The following PARL variants were observed in gnomAD, a reference collection of about 807,000 sequenced individuals.
The protein encoded by PARL is presenilin-associated rhomboid-like protein, mitochondrial.
Under a neutral mutation model 51.6 loss-of-function variants are expected in PARL, and 44 were observed. The ratio of observed to expected loss-of-function variants is 0.85; its 90% CI spans 0.67 to 1.10. The LOEUF (loss-of-function observed/expected upper bound fraction) is 1.10, where lower values mean the gene tolerates loss of function less well. Among genes scored for constraint, PARL ranks in the 50% least tolerant of loss-of-function variants. The pLI, the probability that PARL is intolerant of heterozygous loss-of-function variation, is 0.00. For synonymous variants in PARL, 172 were observed against 164.0 expected (o/e 1.05, Z -0.37); for missense variants, 441 against 469.5 (o/e 0.94, Z 0.56).
At chr3:183,831,166 A>G (rs567019517) in intron 9 of PARL, among the ~76,000 whole-genome samples, 27 of 152,170 alleles carry the variant, frequency 1.8e-4, no homozygotes, top group Admixed American at 9.2e-4. Context: ...AGTAGAGACG[A>G]GGTTTCCCCA....
intron 4 of PARL, 95 bp from the exon 5 acceptor site, chr3:183,844,421 G>C: frequency 3.6e-6 from 3 of 823,194 alleles, no homozygotes; most frequent in Admixed American, 3.9e-5. Flanking sequence ...CCACAATTAT[G>C]TAAGAGTACT....
At chr3:183,829,886 T>C (rs1727721329) in intron 9 of PARL, among the ~76,000 whole-genome samples, 177 bp from the exon 10 acceptor site, 1 of 152,162 alleles carries the variant, frequency 6.6e-6, no homozygotes, top group Non-Finnish European at 1.5e-5. Context: ...ATGTAAAAGG[T>C]AGAAGTAGGA....
chr3:183,833,768 G>A lies in PARL; in HGVS notation c.886C>T (p.Leu296Phe), dbSNP rs1258496604. The A allele has an allele frequency of 6.2e-7, 1 of 1,613,454 alleles. No homozygotes were observed. Among genetic ancestry groups the A allele is most frequent in the African/African-American group, 1.3e-5 (1 of 75,052 alleles). ...AVCTKIPEGRLAIIFLPMFTF... is the reference protein window; with the variant it reads ...AVCTKIPEGRFAIIFLPMFTF... Reference sequence around the variant, plus strand: ...AACATCGGAAGGAAAATAATGGCAAGCCTCCCTTCTGGGATCTTAGTGCAG... The same window carrying A: ...AACATCGGAAGGAAAATAATGGCAAACCTCCCTTCTGGGATCTTAGTGCAG... Residue 296 changes from leucine (L) to phenylalanine (F), a missense_variant, in exon 8 of 10, where the codon CTT becomes TTT. Transcript: ENST00000317096.
At chr3:183,874,190 T>G (rs1019256395) in intron 1 of PARL, among the ~76,000 whole-genome samples, 1 of 152,186 alleles carries the variant, frequency 6.6e-6, no homozygotes, top group Non-Finnish European at 1.5e-5. Flanking sequence ...GAAATTGTTT[T>G]GGGTGCCATG....
intron 4 of PARL, among the ~76,000 whole-genome samples, chr3:183,854,492 A>G: frequency 6.6e-6 from 1 of 152,136 alleles, no homozygotes; most frequent in East Asian, 1.9e-4. Context: ...CCAAAACACC[A>G]AGTATTTTAT....
At chr3:183,854,748 T>TAA (rs34427562) in intron 4 of PARL, among the ~76,000 whole-genome samples, 213 of 132,474 alleles carry the variant, frequency 1.6e-3, no homozygotes, top group East Asian at 9.7e-3. Flanking sequence ...TTTTTACAAT[T>TAA]AAAAAAAAAA....
chr3:183,882,450 C>A, intron 1 of PARL, among the ~76,000 whole-genome samples: 1 of 150,218 alleles, frequency 6.7e-6, no homozygotes, highest in African/African-American at 2.5e-5. Flanking sequence ...GAGAGACTAT[C>A]ATCTCAATAT....
chr3:183,834,153 A>G (rs1370589558), intron 7 of PARL, among the ~76,000 whole-genome samples: 1 of 152,254 alleles, frequency 6.6e-6, no homozygotes, highest in Non-Finnish European at 1.5e-5. Context: ...CTTCTCTGAC[A>G]AAGCTCCAAC....
rs76404822 is a variant in PARL at position 183,831,919 on chromosome 3, A to C, written c.1028+1573T>G. Among the ~76,000 whole-genome samples, 101 of 152,300 alleles carry C rather than the reference A, an allele frequency of 6.6e-4. 1 individual carries two copies. In the East Asian group the frequency reaches 0.019, roughly 28 times the overall value. On this transcript the variant is annotated intron_variant, in intron 9 of 9. Transcript: ENST00000317096. The stretch of plus-strand genomic sequence containing the variant: ...CTGGACTTTAAAATGCATTTGATCC[A>C]ATTATTTTCAGAATGGAAAAAGGCC...
At chr3:183,867,682 A>G (rs982929490) in intron 2 of PARL, among the ~76,000 whole-genome samples, 183 bp downstream of exon 2, 1 of 151,146 alleles carries the variant, frequency 6.6e-6, no homozygotes, top group Admixed American at 6.6e-5. Flanking sequence ...CCTGGGCGAC[A>G]GAGTGAGACT....
rs565977004 is a variant in PARL at position 183,883,903 on chromosome 3, G to C, written c.125+819C>G. Reference sequence around the variant, plus strand: ...AATGGCTCCGCCACATTAGAGCCTCGATTATTTACCACTGACTATCCCACG... The same window carrying C: ...AATGGCTCCGCCACATTAGAGCCTCCATTATTTACCACTGACTATCCCACG... On this transcript the variant is annotated intron_variant, in intron 1 of 9. Transcript: ENST00000317096. 2.0e-4 allele frequency among the ~76,000 whole-genome samples: 30 copies of C among 152,286 alleles called. 3 individuals are homozygous for C. The Middle Eastern group carries it at 0.01, about 52-fold the overall frequency.
chr3:183,864,496 G>A (rs186590769), intron 3 of PARL, among the ~76,000 whole-genome samples: 10 of 152,186 alleles, frequency 6.6e-5, no homozygotes, highest in African/African-American at 1.9e-4. Flanking sequence ...TAAAATATTG[G>A]CTGGGCTCGG....
chr3:183,838,177 C>T (rs1193858102), intron 7 of PARL, among the ~76,000 whole-genome samples: 1 of 151,962 alleles, frequency 6.6e-6, no homozygotes, highest in Non-Finnish European at 1.5e-5. Context: ...AGGTGCATGC[C>T]ACCATGCCCG....
intron 1 of PARL, among the ~76,000 whole-genome samples, chr3:183,876,271 T>G (rs1733788976): frequency 6.6e-6 from 1 of 152,166 alleles, no homozygotes. Flanking sequence ...GGTCTTGAAC[T>G]CCTGATCTCA....
rs746263938 is a variant in PARL at position 183,871,021 on chromosome 3, A to G, written c.126-2961T>C. Among the ~76,000 whole-genome samples, 8 of 152,054 alleles carry G rather than the reference A, an allele frequency of 5.3e-5. No individual in the cohort carries two copies. In the East Asian group the frequency reaches 1.5e-3, roughly 29 times the overall value. ...TTAATACTTATCTCCACTACTGCCC[A>G]CGCCCCCATTAGATTACAGTTTTAT... is the stretch of plus-strand genomic sequence containing the variant. On this transcript the variant is annotated intron_variant, in intron 1 of 9. Coordinates refer to ENST00000317096, the MANE Select transcript of PARL (RefSeq NM_018622.7).
Position 183,842,281 on chromosome 3 carries a change from A to G in PARL, c.757+17T>C, listed in dbSNP as rs377564280. The G allele has an allele frequency of 6.2e-7, 1 of 1,611,054 alleles. No homozygotes were observed. Among genetic ancestry groups the G allele is most frequent in the African/African-American group, 1.3e-5 (1 of 74,842 alleles). On this transcript the variant is annotated intron_variant, in intron 6 of 9. Coordinates refer to ENST00000317096, the MANE Select transcript of PARL (RefSeq NM_018622.7). ...AGTGCTTATACTCTCAAAGGCCCCGAGATTAAAGCATATTACCTGCAGATA... is the reference window on the plus strand; with the variant it reads ...AGTGCTTATACTCTCAAAGGCCCCGGGATTAAAGCATATTACCTGCAGATA...
At chr3:183,838,343 A>G (rs1728898572) in intron 7 of PARL, among the ~76,000 whole-genome samples, 2 of 152,164 alleles carry the variant, frequency 1.3e-5, no homozygotes, top group Admixed American at 1.3e-4. Flanking sequence ...TGCATCTTAT[A>G]ACGTCTCACT....
At chr3:183,843,805 G>A (rs368118872) in intron 5 of PARL, among the ~76,000 whole-genome samples, 10 of 151,644 alleles carry the variant, frequency 6.6e-5, no homozygotes, top group East Asian at 3.9e-4. Context: ...CACTCCAGCC[G>A]AGCCAGGCAG....
At chr3:183,869,139 G>A (rs1315148316) in intron 1 of PARL, among the ~76,000 whole-genome samples, 1 of 151,910 alleles carries the variant, frequency 6.6e-6, no homozygotes, top group Non-Finnish European at 1.5e-5. Flanking sequence ...TTTTTCTTTT[G>A]TAAAACTGTA....
Sources: allele counts gnomAD v4.1 joint callset (sites outside exome capture counted in the v4.1 genomes callset), GRCh38; gene constraint gnomAD v4.1.1; transcripts MANE v1.5; gene names NCBI Gene and HGNC (gene_info 2026-07-23, HGNC 2026-07-21).